The following RASGRF2 variants were observed in gnomAD, a reference collection of about 807,000 sequenced individuals.
RASGRF2 encodes the protein ras-specific guanine nucleotide-releasing factor 2.
RASGRF2 carries 76 observed loss-of-function variants against 151.0 expected under a neutral mutation model. The observed-to-expected ratio is 0.50, with a 90% CI of 0.42 to 0.61. The LOEUF is 0.61. RASGRF2 is among the 20% of genes least tolerant of loss of function. The probability of loss-of-function intolerance (pLI) is 0.00; values close to 1 mark genes in which losing one functional copy is unlikely to be tolerated. For synonymous variants in RASGRF2, 504 were observed against 566.5 expected (o/e 0.89, Z 1.57); for missense variants, 1,148 against 1,564.6 (o/e 0.73, Z 4.49).
intron 17 of RASGRF2, among the ~76,000 whole-genome samples, chr5:81,157,873 A>C (rs2112632712): frequency 6.6e-6 from 1 of 152,286 alleles, no homozygotes; most frequent in African/African-American, 2.4e-5. Flanking sequence ...AATAGGGTTT[A>C]TGGGGATTAC....
intron 1 of RASGRF2, among the ~76,000 whole-genome samples, chr5:80,988,778 C>T (rs746285313): frequency 3.3e-5 from 5 of 152,276 alleles, no homozygotes; most frequent in Non-Finnish European, 2.9e-5. Flanking sequence ...TGCTTAATAA[C>T]GTCTGGCACA....
At position 80,983,333 on chromosome 5, in the gene RASGRF2, C is replaced by T. The variant is rs148049099; in HGVS notation, c.288+22307C>T. On this transcript the variant is annotated intron_variant, in intron 1 of 26. Transcript: ENST00000265080. ...TCTGGGAGTCTCAGTTGCTAGGTCTCGTCCCTTGCAGCCACCTGCTCTCAT... is the reference window on the plus strand; with the variant it reads ...TCTGGGAGTCTCAGTTGCTAGGTCTTGTCCCTTGCAGCCACCTGCTCTCAT... Among the ~76,000 whole-genome samples, 58 of 152,340 alleles carry T rather than the reference C, an allele frequency of 3.8e-4. No homozygotes were observed. The East Asian group carries it at 8.9e-3, about 23-fold the overall frequency.
intron 1 of RASGRF2, among the ~76,000 whole-genome samples, chr5:81,006,933 C>A (rs1297621057): frequency 6.6e-6 from 1 of 152,068 alleles, no homozygotes; most frequent in Non-Finnish European, 1.5e-5. Context: ...TTGTCCCAGG[C>A]CATTGTATGT....
intron 9 of RASGRF2, 104 bp downstream of exon 9, chr5:81,087,057 GC>G: frequency 9.3e-7 from 1 of 1,075,082 alleles, no homozygotes; most frequent in Non-Finnish European, 1.4e-6. Flanking sequence ...CGGGTGCGGT[GC>G]CCGAAGGACC....
Position 81,126,280 on chromosome 5 carries a change from C to G in RASGRF2, c.2597-794C>G, listed in dbSNP as rs76868071. ...TTTAAAAGGGCCACACTTAAACCAT[C>G]TGTACTGTTAAGGGTGTTCTGAGAA... is the stretch of plus-strand genomic sequence containing the variant. On this transcript the variant is annotated intron_variant, in intron 16 of 26. Transcript: ENST00000265080. Among the ~76,000 whole-genome samples the G allele has an allele frequency of 1.5e-3, 221 of 152,334 alleles. 8 individuals carry two copies. The East Asian group carries it at 0.039, about 27-fold the overall frequency.
chr5:81,019,683 T>C (rs1749766418), intron 1 of RASGRF2: 2 of 152,258 alleles, frequency 1.3e-5, no homozygotes, highest in Admixed American at 1.3e-4. Flanking sequence ...TTCTGCTGTA[T>C]GCTTTTAAAG....
chr5:81,192,414 C>T (rs1252328918), intron 18 of RASGRF2, among the ~76,000 whole-genome samples: 2 of 152,178 alleles, frequency 1.3e-5, no homozygotes, highest in South Asian at 2.1e-4. Context: ...TCTTTTTCAT[C>T]GTGTGAACAA....
intron 17 of RASGRF2, among the ~76,000 whole-genome samples, chr5:81,161,548 T>C (rs1290306300): frequency 6.6e-6 from 1 of 152,212 alleles, no homozygotes; most frequent in Non-Finnish European, 1.5e-5. Context: ...AAATCCTTGC[T>C]CTCCAGTTCT....
intron 1 of RASGRF2, among the ~76,000 whole-genome samples, chr5:81,037,698 T>A (rs1168848147): frequency 6.6e-6 from 1 of 152,214 alleles, no homozygotes; most frequent in Non-Finnish European, 1.5e-5. Context: ...GCAAAAAATG[T>A]TAAAAGGTGC....
chr5:80,987,578 G>A (rs981229976), intron 1 of RASGRF2, among the ~76,000 whole-genome samples: 21 of 152,192 alleles, frequency 1.4e-4, no homozygotes, highest in African/African-American at 5.1e-4. Context: ...CATGATGCAT[G>A]CTTGTGGGAG....
chr5:81,093,078 C>A, intron 10 of RASGRF2, 117 bp downstream of exon 10: 1 of 1,073,222 alleles, frequency 9.3e-7, no homozygotes, highest in Non-Finnish European at 1.3e-6. Context: ...GTCATGATTG[C>A]ATAATGAGTG....
At chr5:81,223,228 C>G (rs983498559) in intron 26 of RASGRF2, 8 of 152,288 alleles carry the variant, frequency 5.3e-5, no homozygotes, top group African/African-American at 1.7e-4. Context: ...ACAAACTTAT[C>G]TTGAAACTCT....
rs1164154629 is a variant in RASGRF2, at chr5:81,042,933, TGAG to T, written c.352_354del (p.Glu118del). ...GTCAGAAGCCACTGGAGCTGCGCTG[TGAG>T]GAGGAGCAGGATGGTAAAGAGTGGA... On this transcript the variant is annotated inframe_deletion, in exon 2 of 27. Transcript: ENST00000265080. 2 of 1,613,114 alleles carry T rather than the reference TGAG, an allele frequency of 1.2e-6. No homozygotes were observed. Among genetic ancestry groups the T allele is most frequent in the Admixed American group, 3.3e-5 (2 of 59,960 alleles).
chr5:81,009,398 C>T (rs1749382016), intron 1 of RASGRF2, among the ~76,000 whole-genome samples: 1 of 152,180 alleles, frequency 6.6e-6, no homozygotes, highest in Non-Finnish European at 1.5e-5. Context: ...TATAGCATCA[C>T]ATATGGGGCC....
rs1483711566 is a variant in RASGRF2, at chr5:81,227,280, T to TG, written c.*1511dup. Reference sequence around the variant, plus strand: ...TCAGTGAAAGAGCTAGCATTGGTAATGCACCATAGAGGTAGAGAATGTACA... The same window carrying TG: ...TCAGTGAAAGAGCTAGCATTGGTAATGGCACCATAGAGGTAGAGAATGTACA... On this transcript the variant is annotated 3_prime_UTR_variant, in exon 27 of 27. Transcript: ENST00000265080. 1 of 152,234 alleles carries TG rather than the reference T, an allele frequency of 6.6e-6. No homozygotes were observed. The highest frequency in any genetic ancestry group is 2.4e-5 in the African/African-American group (1 of 41,466). The allele number at this position is 152,234 out of a possible 1,614,324, so 9.4% of individuals were successfully genotyped here. A position where few individuals can be genotyped will look rare whatever the true frequency, so the allele number is the denominator to read the frequency against.
chr5:81,152,244 C>T (rs1011342976), intron 17 of RASGRF2, among the ~76,000 whole-genome samples: 7 of 152,140 alleles, frequency 4.6e-5, no homozygotes, highest in East Asian at 1.9e-4. Flanking sequence ...TCAAGTGATC[C>T]GCCTGCCTCG....
In RASGRF2 at chr5:80,960,675, TGG is replaced by T; in HGVS notation, c.-62_-61del. On this transcript the variant is annotated 5_prime_UTR_variant, in exon 1 of 27. Transcript: ENST00000265080. The surrounding 1 kb of genome is among the most constrained non-coding windows in gnomAD (Gnocchi z 5.5). ...CGGTCGCGCCCTCGAGGGAGCCAGC[TGG>T]GCCATGGCCGCGAGGCAGGGGTGAG... 6.0e-6 allele frequency: 8 copies of T among 1,342,762 alleles called. No individual in the cohort carries two copies. The highest frequency in any genetic ancestry group is 7.8e-6 in the Non-Finnish European group (8 of 1,030,174). The allele number at this position is 1,342,762 out of a possible 1,614,324, so 83.2% of individuals were successfully genotyped here. A position where few individuals can be genotyped will look rare whatever the true frequency, so the allele number is the denominator to read the frequency against.
rs1017066013 is a variant in RASGRF2 at position 81,226,269 on chromosome 5, A to T, written c.*499A>T. On this transcript the variant is annotated 3_prime_UTR_variant, in exon 27 of 27. Transcript: ENST00000265080. ...TTCCTCTACAGAGATGGACCAAAAC[A>T]TAAGCAATTTCAGTCTACAGCATGT... 6.6e-6 allele frequency: 1 copy of T among 150,858 alleles called. No individual in the cohort carries two copies. Among genetic ancestry groups the T allele is most frequent in the Non-Finnish European group, 1.5e-5 (1 of 68,312 alleles). The allele number at this position is 150,858 out of a possible 1,614,324, so 9.3% of individuals were successfully genotyped here. A position where few individuals can be genotyped will look rare whatever the true frequency, so the allele number is the denominator to read the frequency against.
Position 81,202,072 on chromosome 5 carries a change from G to C in RASGRF2, c.2906+630G>C, listed in dbSNP as rs116323385. Among the ~76,000 whole-genome samples, 1,239 of 152,272 alleles carry C rather than the reference G, an allele frequency of 8.1e-3. 5 individuals carry two copies. Among genetic ancestry groups the C allele is most frequent in the South Asian group, 0.013 (65 of 4,824 alleles). On this transcript the variant is annotated intron_variant, in intron 19 of 26. Coordinates refer to ENST00000265080, the MANE Select transcript of RASGRF2 (RefSeq NM_006909.3). ...ATTGTGTCCATAGTTGTTGCACCCA[G>C]TATCCAAGTGGGTAACAAGCTTTCT...
Sources: allele counts gnomAD v4.1 joint callset (sites outside exome capture counted in the v4.1 genomes callset), GRCh38; gene constraint gnomAD v4.1.1; non-coding constraint Gnocchi (gnomAD v3.1); transcripts MANE v1.5; gene names NCBI Gene and HGNC (gene_info 2026-07-23, HGNC 2026-07-21).